COL8A1: variants seen among roughly 807,000 people sequenced by gnomAD.
The protein encoded by COL8A1 is collagen type VIII alpha 1 chain, also known as collagen alpha-1(VIII) chain.
A neutral mutation model predicts 42.7 loss-of-function variants in COL8A1; 21 were observed. The observed-to-expected ratio is 0.49, with a 90% confidence interval of 0.35 to 0.71. COL8A1 has a LOEUF of 0.71. Among genes scored for constraint, COL8A1 ranks in the 30% least tolerant of loss-of-function variants. The pLI is 0.01. For missense variants in COL8A1, 788 were observed against 962.4 expected, an observed-to-expected ratio of 0.82 and a Z score of 2.40; for synonymous variants, 367 against 369.1, an observed-to-expected ratio of 0.99 and a Z score of 0.06.
intron 1 of COL8A1, among the ~76,000 whole-genome samples, chr3:99,685,864 T>C (rs1243727073): frequency 6.6e-6 from 1 of 152,236 alleles, no homozygotes; most frequent in Non-Finnish European, 1.5e-5. Context: ...TTTACCCATG[T>C]GAGGCACATA....
intron 1 of COL8A1, among the ~76,000 whole-genome samples, chr3:99,738,908 G>A (rs1178514595): frequency 6.6e-6 from 1 of 152,226 alleles, no homozygotes; most frequent in Non-Finnish European, 1.5e-5. Context: ...TGAGCCAGAT[G>A]TGGGATATAA....
intron 2 of COL8A1, among the ~76,000 whole-genome samples, chr3:99,772,549 G>C (rs1022972638): frequency 2.0e-5 from 3 of 152,156 alleles, no homozygotes; most frequent in East Asian, 3.9e-4. Context: ...GTGCCAGTGT[G>C]GGGGTAGGAG....
intron 1 of COL8A1, among the ~76,000 whole-genome samples, chr3:99,658,124 A>AC (rs1212043154): frequency 1.4e-5 from 2 of 141,256 alleles, no homozygotes; most frequent in Admixed American, 6.9e-5. Flanking sequence ...CAAAAAAACA[A>AC]AAAACAAAAA....
At chr3:99,647,820 T>C (rs1291640122) in intron 1 of COL8A1, among the ~76,000 whole-genome samples, 1 of 152,230 alleles carries the variant, frequency 6.6e-6, no homozygotes, top group East Asian at 1.9e-4. Flanking sequence ...TGGTGTAATT[T>C]ACTGAATGAG....
At chr3:99,784,515 T>A (rs1688771) in intron 2 of COL8A1, among the ~76,000 whole-genome samples, 123,954 of 151,760 alleles carry the variant, frequency 0.82, 50,937 homozygotes, top group African/African-American at 0.91. Context: ...CTACACACCT[T>A]GGCTACATGG....
chr3:99,667,588 T>C (rs946856213), intron 1 of COL8A1, among the ~76,000 whole-genome samples: 8 of 152,134 alleles, frequency 5.3e-5, no homozygotes, highest in African/African-American at 1.9e-4. Flanking sequence ...TTAGAGTGAA[T>C]TTGATCACTT....
At chr3:99,678,069 G>C (rs1426446015) in intron 1 of COL8A1, 2 of 152,074 alleles carry the variant, frequency 1.3e-5, no homozygotes, top group East Asian at 1.9e-4. Context: ...AGGAAATGAG[G>C]GGGACCAGTA....
chr3:99,783,717 GGA>G (rs902087468), intron 2 of COL8A1, among the ~76,000 whole-genome samples: 82 of 152,322 alleles, frequency 5.4e-4, no homozygotes, highest in African/African-American at 1.9e-3. Context: ...CAAGGTAGCA[GGA>G]GAGAGAGAGC....
intron 1 of COL8A1, among the ~76,000 whole-genome samples, chr3:99,646,292 A>G (rs1034288833): frequency 2.0e-5 from 3 of 152,200 alleles, no homozygotes; most frequent in African/African-American, 7.2e-5. Flanking sequence ...CAAAACAGCA[A>G]TCCTCTAAGA....
chr3:99,771,134 G>T (rs1236298046), intron 2 of COL8A1, among the ~76,000 whole-genome samples: 1 of 152,200 alleles, frequency 6.6e-6, no homozygotes, highest in Non-Finnish European at 1.5e-5. Context: ...TATTCAACAG[G>T]TGGAAATGGA....
Position 99,790,979 on chromosome 3 carries a change from G to A in COL8A1, c.297G>A (p.Met99Ile). The A allele has an allele frequency of 6.2e-7, 1 of 1,613,176 alleles. No homozygotes were observed. The highest frequency in any genetic ancestry group is 8.5e-7 in the Non-Finnish European group (1 of 1,179,184). Reference protein sequence around the residue: ...YMKEIQPAPRMGKEAVPKKGK... With the variant: ...YMKEIQPAPRIGKEAVPKKGK... ...AGGAAATTCAACCGGCGCCAAGAAT[G>A]GGCAAGGAAGCCGTACCCAAGAAAG... The change falls in exon 3 of 4, where the codon ATG (methionine) becomes ATA (isoleucine). Residue 99 changes from methionine (M) to isoleucine (I), a missense_variant. By Grantham distance (10) the Met-to-Ile change is conservative. Transcript: ENST00000652472.
At chr3:99,740,308 T>G (rs1940863189) in intron 1 of COL8A1, among the ~76,000 whole-genome samples, 1 of 152,204 alleles carries the variant, frequency 6.6e-6, no homozygotes, top group South Asian at 2.1e-4. Context: ...GGTATTTTCA[T>G]AGCAGCACCC....
intron 1 of COL8A1, among the ~76,000 whole-genome samples, chr3:99,714,384 TC>T (rs35370212): frequency 0.077 from 11,750 of 152,148 alleles, 561 homozygotes; most frequent in Middle Eastern, 0.11. Flanking sequence ...GGCAGCAATT[TC>T]TGAAGCCTAT....
intron 1 of COL8A1, among the ~76,000 whole-genome samples, chr3:99,700,746 C>T (rs1184868424): frequency 6.6e-6 from 1 of 152,196 alleles, no homozygotes; most frequent in Non-Finnish European, 1.5e-5. Context: ...AAGGCCCAGA[C>T]TTAGACATGC....
intron 1 of COL8A1, among the ~76,000 whole-genome samples, chr3:99,732,859 T>G (rs1940560528): frequency 6.6e-6 from 1 of 152,170 alleles, no homozygotes; most frequent in African/African-American, 2.4e-5. Flanking sequence ...AGTTAGTTAC[T>G]TTCAAGATAC....
chr3:99,662,732 C>T (rs1938246072), intron 1 of COL8A1, among the ~76,000 whole-genome samples: 1 of 152,108 alleles, frequency 6.6e-6, no homozygotes, highest in Admixed American at 6.5e-5. Context: ...AATATCTGTT[C>T]CATGCCTCCA....
At chr3:99,791,083 A>C in intron 3 of COL8A1, 73 bp downstream of exon 3, 1 of 1,351,946 alleles carries the variant, frequency 7.4e-7, no homozygotes, top group Non-Finnish European at 1.0e-6. Context: ...CAGAGGGGGA[A>C]GATAAATTTT....
At chr3:99,644,572 T>C (rs1937609628) in intron 1 of COL8A1, among the ~76,000 whole-genome samples, 1 of 152,198 alleles carries the variant, frequency 6.6e-6, no homozygotes, top group Admixed American at 6.5e-5. Context: ...TTTCCATATC[T>C]CCGAAATAGT....
At chr3:99,710,623 G>A (rs1018854919) in intron 1 of COL8A1, among the ~76,000 whole-genome samples, 3 of 152,200 alleles carry the variant, frequency 2.0e-5, no homozygotes, top group African/African-American at 7.2e-5. Flanking sequence ...AGGAGGAGCA[G>A]CCAGTCTGTT....
Sources: gnomAD v4.1 joint callset for allele counts (sites outside exome capture counted in the v4.1 genomes callset) on GRCh38, gnomAD v4.1.1 for gene constraint, MANE v1.5 for transcripts, NCBI Gene and HGNC (gene_info 2026-07-23, HGNC 2026-07-21) for gene names.